Variants in VRK2 observed in about 807,000 individuals in gnomAD.
VRK2 encodes the protein serine/threonine-protein kinase VRK2.
Under a neutral mutation model 57.6 loss-of-function variants are expected in VRK2, and 60 were observed. The ratio of observed to expected loss-of-function variants is 1.04; its 90% CI spans 0.85 to 1.29. VRK2 has a LOEUF of 1.29. Among genes scored for constraint, VRK2 ranks in the 50% most tolerant of loss-of-function variants. The pLI is 0.00. For missense variants in VRK2, 705 were observed against 588.1 expected, an observed-to-expected ratio of 1.20 and a Z score of -2.06; for synonymous variants, 231 against 199.2, an observed-to-expected ratio of 1.16 and a Z score of -1.35.
At chr2:57,988,815 C>G (rs1290593497) in intron 1 of VRK2, among the ~76,000 whole-genome samples, 1 of 152,126 alleles carries the variant, frequency 6.6e-6, no homozygotes, top group African/African-American at 2.4e-5. Flanking sequence ...CAGCATATTG[C>G]GGGAATTCAC....
chr2:58,124,772 A>G (rs1324521784), intron 8 of VRK2, among the ~76,000 whole-genome samples: 3 of 152,204 alleles, frequency 2.0e-5, no homozygotes, highest in Non-Finnish European at 4.4e-5. Context: ...AGAAAGATTC[A>G]TAGGCTTGAT....
chr2:58,104,537 A>G (rs1225439895), intron 7 of VRK2, among the ~76,000 whole-genome samples: 1 of 151,958 alleles, frequency 6.6e-6, no homozygotes, highest in Non-Finnish European at 1.5e-5. Flanking sequence ...AAGGAAAACT[A>G]CAAAACAGTG....
At chr2:58,115,398 A>G (rs1456708522) in intron 7 of VRK2, among the ~76,000 whole-genome samples, 9 of 152,136 alleles carry the variant, frequency 5.9e-5, no homozygotes, top group Non-Finnish European at 1.5e-5. Flanking sequence ...TGCGTCAGGT[A>G]TGAGGAAGAA....
chr2:58,110,572 C>T (rs146814301), intron 7 of VRK2, among the ~76,000 whole-genome samples: 73 of 152,150 alleles, frequency 4.8e-4, no homozygotes, highest in African/African-American at 1.7e-3. Context: ...TTTGTTTCTC[C>T]TCAATTTCCT....
At chr2:58,116,790 GT>G (rs1676574840) in intron 7 of VRK2, among the ~76,000 whole-genome samples, 1 of 152,192 alleles carries the variant, frequency 6.6e-6, no homozygotes. Context: ...TTCCCATGGG[GT>G]CCCGCACAGA....
chr2:57,976,386 A>G (rs1186351358), intron 1 of VRK2, among the ~76,000 whole-genome samples: 1 of 152,160 alleles, frequency 6.6e-6, no homozygotes, highest in Non-Finnish European at 1.5e-5. Context: ...GCAGAGTATA[A>G]GTATTCCCTT....
chr2:57,982,617 G>A (rs1050095963), intron 1 of VRK2, among the ~76,000 whole-genome samples: 1 of 152,178 alleles, frequency 6.6e-6, no homozygotes, highest in Non-Finnish European at 1.5e-5. Context: ...AGCTACAGGA[G>A]TGGCCAGTGG....
intron 7 of VRK2, among the ~76,000 whole-genome samples, chr2:58,116,829 G>C (rs1417130288): frequency 6.6e-6 from 1 of 152,186 alleles, no homozygotes; most frequent in East Asian, 1.9e-4. Context: ...GGAATCCTGG[G>C]CTGCAGGCAT....
At chr2:58,110,749 T>G (rs1463162134) in intron 7 of VRK2, among the ~76,000 whole-genome samples, 1 of 152,010 alleles carries the variant, frequency 6.6e-6, no homozygotes, top group African/African-American at 2.4e-5. Context: ...ATCTGACACT[T>G]GTGAAAGGAA....
chr2:57,958,946 T>C (rs887621641), intron 1 of VRK2, among the ~76,000 whole-genome samples: 2 of 152,196 alleles, frequency 1.3e-5, no homozygotes, highest in Non-Finnish European at 2.9e-5. Context: ...CTGTAAAGTT[T>C]AGCTGTACTT....
intron 6 of VRK2, 82 bp from the exon 7 acceptor site, chr2:58,089,549 T>G: frequency 1.2e-6 from 1 of 800,664 alleles, no homozygotes; most frequent in South Asian, 2.4e-5. Flanking sequence ...AAAAAACCCA[T>G]GTTATTCTAT....
At chr2:58,059,838 A>G (rs1192529382) in intron 2 of VRK2, among the ~76,000 whole-genome samples, 1 of 151,804 alleles carries the variant, frequency 6.6e-6, no homozygotes, top group African/African-American at 2.4e-5. Flanking sequence ...TTTGGTGTAT[A>G]TATATTTAGC....
chr2:57,919,951 G>A (rs1414212220), intron 1 of VRK2, among the ~76,000 whole-genome samples: 6 of 151,950 alleles, frequency 3.9e-5, no homozygotes, highest in South Asian at 4.1e-4. Flanking sequence ...TCATTAATAT[G>A]CAAAATTATT....
At chr2:57,962,912 G>A (rs763807000) in intron 1 of VRK2, among the ~76,000 whole-genome samples, 2 of 152,100 alleles carry the variant, frequency 1.3e-5, no homozygotes, top group Non-Finnish European at 2.9e-5. Flanking sequence ...CAACAAAATG[G>A]TGGAAAATCG....
At chr2:57,985,460 T>A (rs998189095) in intron 1 of VRK2, among the ~76,000 whole-genome samples, 1 of 152,090 alleles carries the variant, frequency 6.6e-6, no homozygotes, top group Non-Finnish European at 1.5e-5. Context: ...TCTCCAGTCC[T>A]CCCCAGAGCC....
intron 1 of VRK2, among the ~76,000 whole-genome samples, chr2:57,975,552 A>G (rs1481900711): frequency 6.6e-6 from 1 of 151,560 alleles, no homozygotes; most frequent in Non-Finnish European, 1.5e-5. Flanking sequence ...TTACAAGGGG[A>G]TATTATATGA....
intron 2 of VRK2, among the ~76,000 whole-genome samples, chr2:58,055,818 A>C (rs1676430494): frequency 6.6e-6 from 1 of 152,220 alleles, no homozygotes. Context: ...AGAAACAGAA[A>C]GATTTTTAAC....
At chr2:58,112,413 A>G (rs1675702297) in intron 7 of VRK2, among the ~76,000 whole-genome samples, 1 of 152,058 alleles carries the variant, frequency 6.6e-6, no homozygotes, top group South Asian at 2.1e-4. Flanking sequence ...TCCCTCCCCC[A>G]CATCTCCTTT....
intron 1 of VRK2, among the ~76,000 whole-genome samples, chr2:57,964,372 T>C (rs1300110320): frequency 6.6e-6 from 1 of 152,112 alleles, no homozygotes; most frequent in Non-Finnish European, 1.5e-5. Flanking sequence ...ATCCTCATCA[T>C]CTTCAGGTTA....
Sources: allele counts gnomAD v4.1 joint callset (sites outside exome capture counted in the v4.1 genomes callset), GRCh38; gene constraint gnomAD v4.1.1; transcripts MANE v1.5; gene names NCBI Gene and HGNC (gene_info 2026-07-23, HGNC 2026-07-21).